Variants in DCTN1 observed in about 807,000 individuals in gnomAD.
The protein encoded by DCTN1 is dynactin subunit 1, also known as 150 kDa dynein-associated polypeptide.
A neutral mutation model predicts 161.2 loss-of-function variants in DCTN1; 61 were observed. The observed-to-expected ratio is 0.38, with a 90% CI of 0.31 to 0.47. The LOEUF (loss-of-function observed/expected upper bound fraction) is 0.47, where lower values mean the gene tolerates loss of function less well. DCTN1 is among the 20% of genes least tolerant of loss of function. The pLI is 0.99. For synonymous variants in DCTN1, 653 were observed against 632.4 expected (o/e 1.03, Z -0.49); for missense variants, 1,404 against 1,623.7 (o/e 0.86, Z 2.33).
intron 8 of DCTN1, 41 bp from the exon 9 acceptor site, chr2:74,371,217 C>T (rs1466669036): frequency 2.5e-6 from 4 of 1,610,182 alleles, no homozygotes; most frequent in Middle Eastern, 1.7e-4. Context: ...CAGCCCACTC[C>T]TCCTCTCCAC....
At chr2:74,381,296 G>T (rs192167063), upstream of DCTN1, among the ~76,000 whole-genome samples, 213 of 152,274 alleles carry the variant, frequency 1.4e-3, no homozygotes, top group African/African-American at 4.5e-3. Context: ...GTATGGTATG[G>T]ATCTAGTTCC....
At chr2:74,365,336 G>C in intron 25 of DCTN1, 95 bp from the exon 26 acceptor site, 1 of 1,569,440 alleles carries the variant, frequency 6.4e-7, no homozygotes. Flanking sequence ...CCCTGCCAGT[G>C]AGAAGCCAGG....
intron 16 of DCTN1, 23 bp from the exon 17 acceptor site, chr2:74,368,154 C>T (rs760888259): frequency 1.3e-5 from 21 of 1,566,682 alleles, no homozygotes; most frequent in Non-Finnish European, 1.8e-5. Context: ...GCACCAGGAA[C>T]CTGGGCCTCA....
intron 30 of DCTN1, 151 bp from the exon 31 acceptor site, chr2:74,362,292 C>G (rs572666097): frequency 1.4e-6 from 1 of 698,996 alleles, no homozygotes; most frequent in African/African-American, 1.7e-5. Context: ...CCAACCCCAT[C>G]CCCACACCAG....
chr2:74,371,847 AAG>A lies in DCTN1; in HGVS notation c.454-121_454-120del, dbSNP rs780580324. On this transcript the variant is annotated intron_variant, in intron 7 of 31. Coordinates refer to ENST00000628224, the MANE Select transcript of DCTN1 (RefSeq NM_004082.5). ...GGAGACAGAAAAGGGAAAAAGCAGA[AAG>A]AGAGTATCAAAGCACAGTGAGAAAA... 2.0e-4 allele frequency: 164 copies of A among 812,310 alleles called. 1 individual carries two copies. Among genetic ancestry groups the A allele is most frequent in the Non-Finnish European group, 3.1e-4 (151 of 494,842 alleles). 50.3% of individuals were successfully genotyped at this position (812,310 alleles called of 1,614,324 possible).
intron 1 of DCTN1, 138 bp from the exon 2 acceptor site, chr2:74,378,383 G>A (rs1675347735): frequency 9.3e-7 from 1 of 1,076,256 alleles, no homozygotes; most frequent in South Asian, 1.5e-5. Context: ...TTACAGAATT[G>A]GGTGGACCCC....
chr2:74,373,062 C>A, intron 6 of DCTN1, 114 bp from the exon 7 acceptor site: 1 of 948,248 alleles, frequency 1.1e-6, no homozygotes. Context: ...AGGAATGGGG[C>A]TACAGTTAGC....
rs186584476 is a variant in DCTN1, at chr2:74,374,441, G to C, written c.415-101C>G. ...CGGAGGAAGGACAGACGAAGGGAGG[G>C]AGGGCAAGAGACCGAACAGAGGGAA... On this transcript the variant is annotated intron_variant, in intron 5 of 31. Transcript: ENST00000628224. 261 of 1,586,160 alleles carry C rather than the reference G, an allele frequency of 1.6e-4. 1 individual carries two copies. The African/African-American group carries it at 2.6e-3, about 16-fold the overall frequency.
intron 7 of DCTN1, among the ~76,000 whole-genome samples, chr2:74,372,253 T>G (rs528844632): frequency 6.6e-6 from 1 of 152,306 alleles, no homozygotes; most frequent in African/African-American, 2.4e-5. Context: ...AAGCCCTCTT[T>G]GGGAGTCAAG....
Position 74,363,143 on chromosome 2 carries a change from G to A in DCTN1, c.3380C>T (p.Pro1127Leu), listed in dbSNP as rs1211714144. The change falls in exon 29 of 32, where the codon CCC (proline) becomes CTC (leucine). Residue 1127 changes from proline to leucine, a missense_variant. Coordinates refer to ENST00000628224, the MANE Select transcript of DCTN1 (RefSeq NM_004082.5). ...GGATAGCTTTGCAACATGCAGAGGG[G>A]GCAGGGATGCCAAGGATGCCTTCAT... ...AQMKASLASL[P>L]PLHVAKLSHE... is the part of the protein sequence containing the mutation. 2 of 1,614,152 alleles carry A rather than the reference G, an allele frequency of 1.2e-6. No homozygotes were observed. The highest frequency in any genetic ancestry group is 1.7e-6 in the Non-Finnish European group (2 of 1,180,012).
chr2:74,363,946 T>C (rs1305897113), intron 26 of DCTN1: 4 of 458,398 alleles, frequency 8.7e-6, no homozygotes, highest in Non-Finnish European at 1.6e-5. Context: ...TCAGATGCCA[T>C]CTCCAAGAAG....
At chr2:74,366,124 G>A (rs941936627) in intron 23 of DCTN1, 106 bp from the exon 24 acceptor site, 8 of 1,610,372 alleles carry the variant, frequency 5.0e-6, no homozygotes, top group Non-Finnish European at 5.9e-6. Context: ...TGCCTTCTAG[G>A]CAGGATGGTG....
upstream of DCTN1, among the ~76,000 whole-genome samples, chr2:74,384,736 T>TC (rs1458829412): frequency 2.6e-5 from 4 of 152,242 alleles, no homozygotes; most frequent in Non-Finnish European, 5.9e-5. Flanking sequence ...TACCTTGATC[T>TC]CCTCTTGTCT....
upstream of DCTN1, among the ~76,000 whole-genome samples, chr2:74,382,169 G>C (rs565113638): frequency 8.5e-5 from 13 of 152,332 alleles, no homozygotes; most frequent in East Asian, 2.1e-3. Flanking sequence ...TCTAAAAATA[G>C]CCTCACAACT....
At chr2:74,372,649 TCC>T (rs968209529) in intron 7 of DCTN1, among the ~76,000 whole-genome samples, 14 of 152,276 alleles carry the variant, frequency 9.2e-5, no homozygotes, top group Non-Finnish European at 1.8e-4. Flanking sequence ...TGGTCAAAAT[TCC>T]CTTGTTCAAG....
chr2:74,369,816 G>GAAAAAAAAAAAA lies in DCTN1; in HGVS notation c.1392+137_1392+148dup. 2.0e-6 allele frequency: 1 copy of GAAAAAAAAAAAA among 511,402 alleles called. No homozygotes were observed. The highest frequency in any genetic ancestry group is 3.3e-5 in the East Asian group (1 of 29,864). 31.7% of individuals were successfully genotyped at this position (511,402 alleles called of 1,614,324 possible). ...GGCAACAGAGCGAGATTCCATCTCA[G>GAAAAAAAAAAAA]AAAAAAAAAAAAAAAAAAAAGGCAG... is the stretch of plus-strand genomic sequence containing the variant. On this transcript the variant is annotated intron_variant, in intron 13 of 31. Coordinates refer to ENST00000628224, the MANE Select transcript of DCTN1 (RefSeq NM_004082.5). The surrounding 1 kb of genome is among the most constrained non-coding windows in gnomAD (Gnocchi z 4.9).
upstream of DCTN1, among the ~76,000 whole-genome samples, chr2:74,384,133 G>A (rs962596926): frequency 2.0e-5 from 3 of 152,226 alleles, no homozygotes; most frequent in Admixed American, 6.5e-5. Context: ...GAGAAAATGC[G>A]TCCTGTTCTT....
chr2:74,361,542 G>T lies in DCTN1; in HGVS notation c.3794C>A (p.Thr1265Asn), dbSNP rs1457509111. 5.6e-6 allele frequency: 9 copies of T among 1,614,042 alleles called. No homozygotes were observed. Among genetic ancestry groups the T allele is most frequent in the Non-Finnish European group, 7.6e-6 (9 of 1,180,014 alleles). The part of the protein sequence containing the change: ...GFGQRHRLVL[T>N]QEQLHQLHSR... ...GTGAAGCTGGTGCAGCTGCTCCTGG[G>T]TCAGCACCAGCCGGTGTCGCTGTCC... is the stretch of plus-strand genomic sequence containing the variant. The change falls in exon 32 of 32, where the codon ACC becomes AAC. Residue 1265 changes from threonine (T) to asparagine (N), a missense_variant. Coordinates refer to ENST00000628224, the MANE Select transcript of DCTN1 (RefSeq NM_004082.5).
intron 16 of DCTN1, 98 bp downstream of exon 16, chr2:74,368,630 G>C: frequency 6.5e-7 from 1 of 1,544,658 alleles, no homozygotes; most frequent in Non-Finnish European, 8.9e-7. Flanking sequence ...TAAACTCTTT[G>C]TGGGCAGAGA....
Sources: allele counts gnomAD v4.1 joint callset (sites outside exome capture counted in the v4.1 genomes callset), GRCh38; gene constraint gnomAD v4.1.1; non-coding constraint Gnocchi (gnomAD v3.1); transcripts MANE v1.5; gene names NCBI Gene and HGNC (gene_info 2026-07-23, HGNC 2026-07-21).